Variants in CNTNAP2 observed in about 807,000 individuals in gnomAD.
The protein encoded by CNTNAP2 is contactin associated protein 2.
Under a neutral mutation model 155.2 loss-of-function variants are expected in CNTNAP2, and 98 were observed. The observed-to-expected ratio is 0.63, with a 90% confidence interval of 0.54 to 0.75. CNTNAP2 has a LOEUF of 0.75. CNTNAP2 is among the 30% of genes least tolerant of loss of function. CNTNAP2 has a pLI of 0.00. For synonymous variants in CNTNAP2, 651 were observed against 631.2 expected (o/e 1.03, Z -0.47); for missense variants, 1,727 against 1,688.1 (o/e 1.02, Z -0.40).
In CNTNAP2 at chr7:148,301,302, A is replaced by ATAT. The variant is rs1554414628; in HGVS notation, c.3475+34176_3475+34177insTAT. On this transcript the variant is annotated intron_variant, in intron 21 of 23. Coordinates refer to ENST00000361727, the MANE Select transcript of CNTNAP2 (RefSeq NM_014141.6). ...AGGCGAGACTCCGTCTAAAAAAAAAAAAAAATATATATATATATATAGGTT... is the reference window on the plus strand; with the variant it reads ...AGGCGAGACTCCGTCTAAAAAAAAAATATAAAAATATATATATATATATAGGTT... Among the ~76,000 whole-genome samples, 15 of 47,366 alleles carry ATAT rather than the reference A, an allele frequency of 3.2e-4. No individual in the cohort carries two copies. In the East Asian group the frequency reaches 5.6e-3, roughly 18 times the overall value. 31.1% of individuals were successfully genotyped at this position (47,366 alleles called of 152,430 possible). A position where few individuals can be genotyped will look rare whatever the true frequency, so the allele number is the denominator to read the frequency against.
chr7:147,939,525 C>T (rs1006048243), intron 14 of CNTNAP2, among the ~76,000 whole-genome samples: 3 of 152,006 alleles, frequency 2.0e-5, no homozygotes, highest in Non-Finnish European at 4.4e-5. Flanking sequence ...GATGGGGTTT[C>T]ACCATGTTGG....
chr7:147,264,520 C>G (rs760707251), intron 8 of CNTNAP2, among the ~76,000 whole-genome samples: 3 of 55,438 alleles, frequency 5.4e-5, no homozygotes, highest in African/African-American at 2.2e-4. Flanking sequence ...GGAGCAGCAG[C>G]CACTTACTGG....
chr7:147,291,390 T>C (rs1805308657), intron 8 of CNTNAP2, among the ~76,000 whole-genome samples: 1 of 152,188 alleles, frequency 6.6e-6, no homozygotes, highest in Non-Finnish European at 1.5e-5. Context: ...AAACTAGTTC[T>C]ATGAACATAT....
chr7:147,371,301 T>C (rs1796334283), intron 9 of CNTNAP2, among the ~76,000 whole-genome samples: 1 of 152,196 alleles, frequency 6.6e-6, no homozygotes, highest in Admixed American at 6.6e-5. Context: ...TTTATGAGAA[T>C]GATTTTCTAA....
At chr7:147,013,610 A>G (rs779528790) in intron 3 of CNTNAP2, among the ~76,000 whole-genome samples, 3 of 151,986 alleles carry the variant, frequency 2.0e-5, no homozygotes, top group Non-Finnish European at 2.9e-5. Flanking sequence ...CTGCCTTTTC[A>G]TGGAACATTG....
chr7:146,902,183 C>T (rs575756951), intron 3 of CNTNAP2, among the ~76,000 whole-genome samples: 12 of 152,226 alleles, frequency 7.9e-5, no homozygotes, highest in Admixed American at 7.2e-4. Flanking sequence ...CGTGCTCAGC[C>T]ATATGCTCCA....
chr7:146,784,900 T>A (rs1271107319), intron 2 of CNTNAP2, among the ~76,000 whole-genome samples: 1 of 152,184 alleles, frequency 6.6e-6, no homozygotes, highest in African/African-American at 2.4e-5. Flanking sequence ...TGAATTTTTC[T>A]TTCTAAACCA....
chr7:148,191,500 C>T (rs919675715), intron 18 of CNTNAP2, among the ~76,000 whole-genome samples: 1 of 152,234 alleles, frequency 6.6e-6, no homozygotes, highest in African/African-American at 2.4e-5. Context: ...CTATAGCATA[C>T]TGCCATAGAC....
chr7:147,227,273 T>A (rs2132592), intron 8 of CNTNAP2, among the ~76,000 whole-genome samples: 1 of 151,834 alleles, frequency 6.6e-6, no homozygotes, highest in Non-Finnish European at 1.5e-5. Flanking sequence ...AAGATGAAGT[T>A]GAATAGGGCT....
chr7:147,039,091 T>C (rs1458843328), intron 3 of CNTNAP2, among the ~76,000 whole-genome samples: 3 of 152,188 alleles, frequency 2.0e-5, no homozygotes, highest in African/African-American at 7.2e-5. Flanking sequence ...ATATATGTAA[T>C]TGTATAATTA....
At chr7:146,823,312 T>G (rs1000130499) in intron 2 of CNTNAP2, among the ~76,000 whole-genome samples, 3 of 148,346 alleles carry the variant, frequency 2.0e-5, no homozygotes, top group Non-Finnish European at 3.0e-5. Flanking sequence ...TAATTACATG[T>G]AAATATACTC....
intron 8 of CNTNAP2, among the ~76,000 whole-genome samples, chr7:147,246,691 T>A (rs1309720794): frequency 6.6e-6 from 1 of 152,174 alleles, no homozygotes; most frequent in East Asian, 1.9e-4. Context: ...AACATTCAGA[T>A]CATAGCAGAA....
At chr7:148,068,229 T>C (rs1335518673) in intron 15 of CNTNAP2, among the ~76,000 whole-genome samples, 8 of 152,172 alleles carry the variant, frequency 5.3e-5, no homozygotes, top group Non-Finnish European at 7.3e-5. Flanking sequence ...ATTACAAAGT[T>C]CAGCTAGAAG....
chr7:147,002,242 CAT>C (rs1798438959), intron 3 of CNTNAP2, among the ~76,000 whole-genome samples: 1 of 151,930 alleles, frequency 6.6e-6, no homozygotes, highest in Non-Finnish European at 1.5e-5. Context: ...CATACACTCA[CAT>C]AGAGACATGT....
At chr7:148,058,260 T>C (rs919746347) in intron 15 of CNTNAP2, among the ~76,000 whole-genome samples, 2 of 152,094 alleles carry the variant, frequency 1.3e-5, no homozygotes, top group African/African-American at 4.8e-5. Context: ...TGGCAAGCTC[T>C]CAAAGCTCAG....
In CNTNAP2 at chr7:147,668,189, G is replaced by T. The variant is rs28795086; in HGVS notation, c.2098+28883G>T. Among the ~76,000 whole-genome samples, 1,236 of 152,108 alleles carry T rather than the reference G, an allele frequency of 8.1e-3. 21 individuals carry two copies. Among genetic ancestry groups the T allele is most frequent in the African/African-American group, 0.028 (1,170 of 41,472 alleles). On this transcript the variant is annotated intron_variant, in intron 13 of 23. Transcript: ENST00000361727. Reference sequence around the variant, plus strand: ...AGGAGAAGAAAAGGAAAACCCCCAAGGAAATTCACAGTGAAAGGTTTAGAA... The same window carrying T: ...AGGAGAAGAAAAGGAAAACCCCCAATGAAATTCACAGTGAAAGGTTTAGAA...
In CNTNAP2 at chr7:147,044,139, C is replaced by T. The variant is rs1799311695; in HGVS notation, c.550+85C>T. 5 of 1,477,512 alleles carry T rather than the reference C, an allele frequency of 3.4e-6. No homozygotes were observed. The South Asian group carries it at 5.8e-5, about 17-fold the overall frequency. The allele number at this position is 1,477,512 out of a possible 1,614,324, so 91.5% of individuals were successfully genotyped here. On this transcript the variant is annotated intron_variant, in intron 4 of 23. Transcript: ENST00000361727. Reference sequence around the variant, plus strand: ...TTTTATTTTAAATTATTTAACATTACTTGCTTTCTCTGACAATAAACTACC... The same window carrying T: ...TTTTATTTTAAATTATTTAACATTATTTGCTTTCTCTGACAATAAACTACC...
At chr7:146,729,106 C>G (rs1563207181) in intron 1 of CNTNAP2, among the ~76,000 whole-genome samples, 1 of 152,206 alleles carries the variant, frequency 6.6e-6, no homozygotes, top group Non-Finnish European at 1.5e-5. Context: ...AAGTATTACA[C>G]TTTCTCATCT....
intron 16 of CNTNAP2, among the ~76,000 whole-genome samples, chr7:148,137,735 A>AGGAAGGTT (rs1554476327): frequency 2.3e-4 from 34 of 145,506 alleles, no homozygotes; most frequent in African/African-American, 8.2e-4. Context: ...GAAGGAAGGA[A>AGGAAGGTT]GGTTCTCCTT....
Sources: gnomAD v4.1 joint callset for allele counts (sites outside exome capture counted in the v4.1 genomes callset) on GRCh38, gnomAD v4.1.1 for gene constraint, MANE v1.5 for transcripts, NCBI Gene and HGNC (gene_info 2026-07-23, HGNC 2026-07-21) for gene names.